RBM33: variants seen among roughly 807,000 people sequenced by gnomAD.
The protein encoded by RBM33 is RNA binding motif protein 33.
A neutral mutation model predicts 132.6 loss-of-function variants in RBM33; 28 were observed. The ratio of observed to expected loss-of-function variants is 0.21; its 90% CI spans 0.16 to 0.29. The LOEUF is 0.29. Among genes scored for constraint, RBM33 ranks in the 10% least tolerant of loss-of-function variants. The probability of loss-of-function intolerance (pLI) is 1.00; values close to 1 mark genes in which losing one functional copy is unlikely to be tolerated. For missense variants in RBM33, 1,291 were observed against 1,518.5 expected, an observed-to-expected ratio of 0.85 and a Z score of 2.49; for synonymous variants, 634 against 593.0, an observed-to-expected ratio of 1.07 and a Z score of -1.01.
chr7:155,735,763 C>A lies in RBM33; in HGVS notation c.1261-1767C>A, dbSNP rs1335208184. On this transcript the variant is annotated intron_variant, in intron 9 of 17. Transcript: ENST00000401878. ...TCTCCCTCTCTCAGGAAAAGAGATC[C>A]ATATCAAAGCATTATATCAGTGAAT... Among the ~76,000 whole-genome samples, 3 of 151,580 alleles carry A rather than the reference C, an allele frequency of 2.0e-5. No homozygotes were observed. In the East Asian group the frequency reaches 5.8e-4, roughly 29 times the overall value.
intron 9 of RBM33, among the ~76,000 whole-genome samples, chr7:155,719,306 T>C (rs929636076): frequency 6.6e-6 from 1 of 152,216 alleles, no homozygotes; most frequent in Non-Finnish European, 1.5e-5. Flanking sequence ...CTAAATGGCT[T>C]ATTTAACTGT....
chr7:155,673,937 T>G (rs933886966), intron 3 of RBM33, among the ~76,000 whole-genome samples: 2 of 85,466 alleles, frequency 2.3e-5, no homozygotes, highest in African/African-American at 9.7e-5. Context: ...TAGTTTAGGC[T>G]TAGTTTTTTT....
intron 13 of RBM33, among the ~76,000 whole-genome samples, chr7:155,742,918 G>C (rs1585517438): frequency 1.3e-5 from 2 of 152,332 alleles, no homozygotes; most frequent in South Asian, 4.1e-4. Context: ...CATGTGGAGT[G>C]CTCTGAAGCA....
intron 3 of RBM33, among the ~76,000 whole-genome samples, chr7:155,678,246 T>A (rs1473381097): frequency 2.0e-5 from 3 of 152,270 alleles, no homozygotes; most frequent in Non-Finnish European, 4.4e-5. Context: ...GATATTAGCA[T>A]GTTAAATTTA....
chr7:155,750,893 G>A (rs1801668546), intron 14 of RBM33, among the ~76,000 whole-genome samples: 2 of 152,140 alleles, frequency 1.3e-5, no homozygotes, highest in African/African-American at 4.8e-5. Flanking sequence ...AGAGAAATGG[G>A]AGCAGCACAG....
chr7:155,651,607 C>T (rs1798358137), intron 1 of RBM33, among the ~76,000 whole-genome samples: 1 of 135,894 alleles, frequency 7.4e-6, no homozygotes, highest in South Asian at 2.5e-4. Context: ...AAAAAAGGGT[C>T]TAGGTTCCTG....
chr7:155,720,644 AT>A (rs1383943876), intron 9 of RBM33, among the ~76,000 whole-genome samples: 3 of 152,252 alleles, frequency 2.0e-5, no homozygotes, highest in Non-Finnish European at 2.9e-5. Context: ...ACCAAGCATC[AT>A]TAAATGAAAC....
chr7:155,682,553 G>C (rs1172018221), intron 5 of RBM33, among the ~76,000 whole-genome samples: 2 of 152,208 alleles, frequency 1.3e-5, no homozygotes, highest in African/African-American at 4.8e-5. Context: ...AGTAAAGTAA[G>C]ATGATTGGCT....
intron 1 of RBM33, 69 bp from the exon 2 acceptor site, chr7:155,665,102 TTTAG>T: frequency 7.8e-7 from 1 of 1,290,166 alleles, no homozygotes. Context: ...AAAAAGTTGT[TTTAG>T]TGTTTGAATT....
chr7:155,673,227 G>T (rs1398345920), intron 3 of RBM33, among the ~76,000 whole-genome samples: 1 of 152,018 alleles, frequency 6.6e-6, no homozygotes, highest in East Asian at 1.9e-4. Context: ...ATTTGGAGGT[G>T]AATATTTTGC....
intron 14 of RBM33, among the ~76,000 whole-genome samples, chr7:155,753,624 A>G (rs1214431608): frequency 6.6e-6 from 1 of 152,218 alleles, no homozygotes; most frequent in African/African-American, 2.4e-5. Context: ...CTTGCCCATG[A>G]GAAGGGCAGA....
intron 5 of RBM33, among the ~76,000 whole-genome samples, chr7:155,698,921 G>T (rs1451918288): frequency 1.3e-5 from 2 of 152,224 alleles, no homozygotes; most frequent in East Asian, 1.9e-4. Context: ...GGACATTTAA[G>T]TGTTTCCAGT....
At chr7:155,645,137 A>G (rs1321921734) in intron 1 of RBM33, 2 of 458,568 alleles carry the variant, frequency 4.4e-6, no homozygotes, top group African/African-American at 4.1e-5. Context: ...TTACCTGTGA[A>G]CTTCTGTGTG....
chr7:155,718,811 A>C (rs1296229850), intron 9 of RBM33, among the ~76,000 whole-genome samples: 2 of 152,304 alleles, frequency 1.3e-5, no homozygotes, highest in East Asian at 3.9e-4. Flanking sequence ...GTGCATGTGT[A>C]TTGTGTGTGA....
At chr7:155,749,348 G>A (rs1801622604) in intron 14 of RBM33, among the ~76,000 whole-genome samples, 1 of 152,154 alleles carries the variant, frequency 6.6e-6, no homozygotes, top group Admixed American at 6.5e-5. Context: ...ATCCTTCTGA[G>A]GCGAGTGCGT....
At position 155,780,602 on chromosome 7, in the gene RBM33, C is replaced by G. The variant is rs1468803995; in HGVS notation, c.*5561C>G. 4 of 152,554 alleles carry G rather than the reference C, an allele frequency of 2.6e-5. No individual in the cohort carries two copies. In the East Asian group the frequency reaches 7.7e-4, roughly 29 times the overall value. The allele number at this position is 152,554 out of a possible 1,614,324, so 9.5% of individuals were successfully genotyped here. On this transcript the variant is annotated 3_prime_UTR_variant, in exon 18 of 18. Coordinates refer to ENST00000401878, the MANE Select transcript of RBM33 (RefSeq NM_053043.3). Reference sequence around the variant, plus strand: ...TTCTTAACACTGGTAGCTCCTGTCCCATTCCAAGACTCACTCTCTCAGACC... The same window carrying G: ...TTCTTAACACTGGTAGCTCCTGTCCGATTCCAAGACTCACTCTCTCAGACC...
At chr7:155,716,432 C>A (rs762693223) in intron 8 of RBM33, among the ~76,000 whole-genome samples, 45 of 150,060 alleles carry the variant, frequency 3.0e-4, no homozygotes, top group Non-Finnish European at 5.0e-4. Context: ...TCTAGAAATC[C>A]CACCTCACCT....
At chr7:155,719,738 A>C (rs1800567208) in intron 9 of RBM33, among the ~76,000 whole-genome samples, 1 of 152,214 alleles carries the variant, frequency 6.6e-6, no homozygotes, top group Admixed American at 6.5e-5. Flanking sequence ...AGCACTGACA[A>C]ATACTTTTTG....
chr7:155,661,388 G>T (rs1281874042), intron 1 of RBM33, among the ~76,000 whole-genome samples: 6 of 138,286 alleles, frequency 4.3e-5, no homozygotes, highest in South Asian at 2.3e-4. Flanking sequence ...TCCTGAAGTG[G>T]TTTTTTTTTT....
Sources: allele counts gnomAD v4.1 joint callset (sites outside exome capture counted in the v4.1 genomes callset), GRCh38; gene constraint gnomAD v4.1.1; transcripts MANE v1.5; gene names NCBI Gene and HGNC (gene_info 2026-07-23, HGNC 2026-07-21).